Variants in SYNE1 observed in about 807,000 individuals in gnomAD.
SYNE1 encodes the protein spectrin repeat containing nuclear envelope protein 1, also known as nesprin-1.
A neutral mutation model predicts 1,111.0 loss-of-function variants in SYNE1; 616 were observed. That is an observed-to-expected ratio of 0.55 (90% CI 0.52 to 0.59). SYNE1 has a LOEUF of 0.59. Among genes scored for constraint, SYNE1 ranks in the 20% least tolerant of loss-of-function variants. The pLI is 0.00. For missense variants in SYNE1, 10,006 were observed against 10,417.0 expected (o/e 0.96, Z 1.72); for synonymous variants, 3,855 against 3,825.8 (o/e 1.01, Z -0.28).
chr6:152,453,084 C>G (rs867433316), intron 25 of SYNE1, among the ~76,000 whole-genome samples: 1 of 152,120 alleles, frequency 6.6e-6, no homozygotes, highest in Non-Finnish European at 1.5e-5. Flanking sequence ...ATCTCCTTTA[C>G]TGAACTCTTA....
At position 152,272,168 on chromosome 6, in the gene SYNE1, A is replaced by C. The variant is rs1040017652; in HGVS notation, c.18574-2882T>G. Among the ~76,000 whole-genome samples the C allele has an allele frequency of 2.0e-5, 3 of 152,398 alleles. No individual in the cohort carries two copies. The East Asian group carries it at 5.8e-4, about 29-fold the overall frequency. ...CTGAATGATTTAGTCATTGTGAAAC[A>C]TAAGACTTGGACCACAGGAAGCAAA... On this transcript the variant is annotated intron_variant, in intron 98 of 145. Coordinates refer to ENST00000367255, the MANE Select transcript of SYNE1 (RefSeq NM_182961.4).
At chr6:152,285,470 A>G (rs2094278651) in intron 95 of SYNE1, among the ~76,000 whole-genome samples, 1 of 152,132 alleles carries the variant, frequency 6.6e-6, no homozygotes, top group African/African-American at 2.4e-5. Context: ...TGAAATATGT[A>G]CTGGATTCTT....
chr6:152,194,160 A>G (rs2073443900), intron 127 of SYNE1, among the ~76,000 whole-genome samples: 1 of 152,220 alleles, frequency 6.6e-6, no homozygotes, highest in Non-Finnish European at 1.5e-5. Context: ...CAGATTGAAG[A>G]ACTCCTTTTA....
In SYNE1 at chr6:152,206,179, A is replaced by G. The variant is rs761372635; in HGVS notation, c.23008T>C (p.Phe7670Leu). 1.9e-6 allele frequency: 3 copies of G among 1,613,392 alleles called. No individual in the cohort carries two copies. The highest frequency in any genetic ancestry group is 2.5e-6 in the Non-Finnish European group (3 of 1,180,014). The change falls in exon 126 of 146, where the codon TTC (phenylalanine) becomes CTC (leucine). Residue 7670 changes from phenylalanine (F) to leucine (L), a missense_variant. Physicochemically the swap from Phe to Leu is conservative, Grantham distance 22 (BLOSUM62 0). Around this residue, in one of 7 missense-constraint regions of SYNE1, gnomAD observed 2,182 missense variants for 2,287.8 expected, o/e 0.95. Transcript: ENST00000367255. ...CTAACTGAACTTACTTTCAACAAGA[A>G]GGCTAGTTTTTTCTTCTGTTCTTCC... ...RLEEQKKKLA[F>L]LLKDWEKCEK...
chr6:152,471,971 T>C lies in SYNE1; in HGVS notation c.1464-206A>G, dbSNP rs2098808093. The C allele has an allele frequency of 1.8e-5, 11 of 614,246 alleles. No individual in the cohort carries two copies. In the South Asian group the frequency reaches 2.2e-4, roughly 12 times the overall value. 38.0% of individuals were successfully genotyped at this position (614,246 alleles called of 1,614,324 possible). ...TGATTGAAGTCTTCGATTTAGTTCT[T>C]TCCCCTGCCAACACATCTCTCGTCT... is the stretch of plus-strand genomic sequence containing the variant. On this transcript the variant is annotated intron_variant, in intron 15 of 145. Coordinates refer to ENST00000367255, the MANE Select transcript of SYNE1 (RefSeq NM_182961.4).
rs372282644 is a variant in SYNE1 at position 152,136,689 on chromosome 6, G to A, written c.25588C>T (p.Arg8530Cys). 51 of 1,614,182 alleles carry A rather than the reference G, an allele frequency of 3.2e-5. No individual in the cohort carries two copies. The highest frequency in any genetic ancestry group is 6.7e-5 in the African/African-American group (5 of 75,044). ...AGCAGAGAGCACACTCGGTCCCAGCGCCCATTCATCTGCGACAAGCGATCC... is the reference window on the plus strand; with the variant it reads ...AGCAGAGAGCACACTCGGTCCCAGCACCCATTCATCTGCGACAAGCGATCC... ...LQDRLSQMNG[R>C]WDRVCSLLEE... Residue 8530 changes from arginine to cysteine, a missense_variant, in exon 141 of 146, where the codon CGC (arginine) becomes TGC (cysteine). By Grantham distance (180) the Arg-to-Cys change is radical. Transcript: ENST00000367255.
chr6:152,520,413 GC>G, intron 6 of SYNE1, 45 bp downstream of exon 6: 1 of 1,587,416 alleles, frequency 6.3e-7, no homozygotes, highest in Non-Finnish European at 8.6e-7. Context: ...ACATAAGTAT[GC>G]CCACACCTTC....
intron 56 of SYNE1, among the ~76,000 whole-genome samples, chr6:152,379,615 T>G (rs1347719422): frequency 3.3e-5 from 5 of 152,138 alleles, no homozygotes; most frequent in Non-Finnish European, 5.9e-5. Context: ...TAAAATGCCA[T>G]TATTAGAAAT....
At chr6:152,227,188 A>C (rs1437140947) in intron 115 of SYNE1, among the ~76,000 whole-genome samples, 1 of 152,104 alleles carries the variant, frequency 6.6e-6, no homozygotes, top group African/African-American at 2.4e-5. Flanking sequence ...TCAACTTGTT[A>C]ATCTCTCTCT....
At chr6:152,182,991 T>TCAC (rs58905462) in intron 128 of SYNE1, among the ~76,000 whole-genome samples, 1 of 151,286 alleles carries the variant, frequency 6.6e-6, no homozygotes, top group African/African-American at 2.4e-5. Context: ...GGCAGTGAAC[T>TCAC]TGGGGTAGGG....
chr6:152,481,972 T>C (rs554895118), intron 14 of SYNE1, among the ~76,000 whole-genome samples: 17 of 151,890 alleles, frequency 1.1e-4, no homozygotes, highest in African/African-American at 4.1e-4. Context: ...TTTGTCTGCG[T>C]TGGTGATTGG....
intron 2 of SYNE1, among the ~76,000 whole-genome samples, chr6:152,630,177 G>A (rs972579389): frequency 6.6e-6 from 1 of 151,720 alleles, no homozygotes; most frequent in Non-Finnish European, 1.5e-5. Flanking sequence ...GCTGCCCCAT[G>A]TGCAATGCAT....
intron 100 of SYNE1, among the ~76,000 whole-genome samples, chr6:152,263,383 T>A (rs552997855): frequency 3.3e-5 from 5 of 151,972 alleles, no homozygotes; most frequent in Admixed American, 3.3e-4. Context: ...GAGATTGGTA[T>A]GGCTCTTATT....
intron 58 of SYNE1, 124 bp from the exon 59 acceptor site, chr6:152,373,343 G>T: frequency 4.6e-6 from 4 of 870,642 alleles, no homozygotes; most frequent in South Asian, 3.6e-5. Flanking sequence ...GCAGTAGTGC[G>T]ATCTCGGCTC....
At chr6:152,580,652 T>C (rs1480299145) in intron 3 of SYNE1, among the ~76,000 whole-genome samples, 1 of 152,176 alleles carries the variant, frequency 6.6e-6, no homozygotes, top group Admixed American at 6.5e-5. Flanking sequence ...AGATTTTACC[T>C]TTACATCTTT....
chr6:152,539,860 A>T, intron 4 of SYNE1, 100 bp downstream of exon 4: 2 of 1,273,796 alleles, frequency 1.6e-6, no homozygotes, highest in Non-Finnish European at 2.3e-6. Flanking sequence ...ATTGATTCGC[A>T]ACAGTGACAA....
intron 142 of SYNE1, chr6:152,133,825 G>C (rs375663367): frequency 7.4e-5 from 21 of 284,410 alleles, no homozygotes; most frequent in East Asian, 5.0e-4. Flanking sequence ...CTTTTAAACA[G>C]AAAAGCACAA....
chr6:152,373,272 T>A, intron 58 of SYNE1, 53 bp from the exon 59 acceptor site: 1 of 1,513,538 alleles, frequency 6.6e-7, no homozygotes, highest in Non-Finnish European at 8.9e-7. Flanking sequence ...GTGTTGTTTC[T>A]ATTTTTTCTT....
chr6:152,444,299 C>T (rs565437380), intron 30 of SYNE1, 112 bp downstream of exon 30: 100 of 1,228,372 alleles, frequency 8.1e-5, no homozygotes, highest in Non-Finnish European at 9.7e-5. Context: ...TCTTCCTTCC[C>T]ATGCCCCCTC....
Sources: allele counts gnomAD v4.1 joint callset (sites outside exome capture counted in the v4.1 genomes callset), GRCh38; gene constraint gnomAD v4.1.1; regional missense constraint gnomAD v4.1.1; transcripts MANE v1.5; gene names NCBI Gene and HGNC (gene_info 2026-07-23, HGNC 2026-07-21).